TP63: variants seen among roughly 807,000 people sequenced by gnomAD.
The protein encoded by TP63 is tumor protein 63.
A neutral mutation model predicts 82.8 loss-of-function variants in TP63; 17 were observed. The observed-to-expected ratio is 0.21, with a 90% CI of 0.14 to 0.31. The LOEUF is 0.31. Among genes scored for constraint, TP63 ranks in the 10% least tolerant of loss-of-function variants. The pLI, the probability that TP63 is intolerant of heterozygous loss-of-function variation, is 1.00. For missense variants in TP63, 648 were observed against 895.3 expected (o/e 0.72, Z 3.52); for synonymous variants, 330 against 321.7 (o/e 1.03, Z -0.28).
chr3:189,869,279 T>C, intron 8 of TP63, 45 bp from the exon 9 acceptor site: 2 of 1,474,162 alleles, frequency 1.4e-6, no homozygotes, highest in South Asian at 1.1e-5. Context: ...GCATTAGTGC[T>C]TTAGAAGTGT....
intron 4 of TP63, chr3:189,829,773 CAACT>C (rs1712018371): frequency 5.5e-6 from 1 of 182,672 alleles, no homozygotes; most frequent in Non-Finnish European, 1.2e-5. Flanking sequence ...ACTTTTTCAC[CAACT>C]AACAAATTCA....
intron 1 of TP63, among the ~76,000 whole-genome samples, chr3:189,644,549 G>A (rs979172066): frequency 6.6e-6 from 1 of 152,060 alleles, no homozygotes; most frequent in African/African-American, 2.4e-5. Context: ...TGTTTCAATA[G>A]TTTTGGGGGA....
At chr3:189,711,312 C>T (rs1718576127) in intron 1 of TP63, among the ~76,000 whole-genome samples, 1 of 152,154 alleles carries the variant, frequency 6.6e-6, no homozygotes, top group East Asian at 1.9e-4. Context: ...TCAACAATTC[C>T]TCTTGAGGGT....
intron 1 of TP63, among the ~76,000 whole-genome samples, chr3:189,670,967 T>C (rs977031168): frequency 6.6e-6 from 1 of 152,014 alleles, no homozygotes; most frequent in Non-Finnish European, 1.5e-5. Flanking sequence ...AGGACATTGG[T>C]CTAGGCAAAG....
At chr3:189,818,016 T>G (rs1235652029) in intron 4 of TP63, among the ~76,000 whole-genome samples, 2 of 151,784 alleles carry the variant, frequency 1.3e-5, no homozygotes, top group Non-Finnish European at 2.9e-5. Context: ...ACAATGGAAT[T>G]AATTTACAGT....
At chr3:189,684,005 C>A (rs1281386699) in intron 1 of TP63, among the ~76,000 whole-genome samples, 1 of 152,150 alleles carries the variant, frequency 6.6e-6, no homozygotes, top group Non-Finnish European at 1.5e-5. Context: ...GCAGCTTCAG[C>A]AACTGCAGGA....
At chr3:189,818,579 A>G (rs1431993123) in intron 4 of TP63, among the ~76,000 whole-genome samples, 1 of 152,134 alleles carries the variant, frequency 6.6e-6, no homozygotes, top group Non-Finnish European at 1.5e-5. Flanking sequence ...AAATTTTCGT[A>G]GGAAAATTAG....
chr3:189,694,790 C>CTTTTTTTT (rs71175304), intron 1 of TP63, among the ~76,000 whole-genome samples: 447 of 32,758 alleles, frequency 0.014, 105 homozygotes, highest in Non-Finnish European at 0.017. Context: ...TATTTACAGC[C>CTTTTTTTT]TTTTTTTTTT....
intron 1 of TP63, among the ~76,000 whole-genome samples, chr3:189,729,748 A>G (rs1720025434): frequency 6.6e-6 from 1 of 152,168 alleles, no homozygotes. Context: ...TAAGGAAAAA[A>G]AAAGATGCTA....
chr3:189,770,560 G>A (rs565913402), intron 3 of TP63, among the ~76,000 whole-genome samples: 8 of 134,612 alleles, frequency 5.9e-5, no homozygotes, highest in East Asian at 2.1e-4. Flanking sequence ...GCAAGACTCC[G>A]TCTCAAAAAA....
chr3:189,800,499 AG>A (rs1726182358), intron 3 of TP63, among the ~76,000 whole-genome samples: 1 of 151,866 alleles, frequency 6.6e-6, no homozygotes. Context: ...AGAAAAAAAA[AG>A]CAAATAAAAG....
At position 189,892,126 on chromosome 3, in the gene TP63, G is replaced by A. The variant is rs146711148; in HGVS notation, c.1746+1244G>A. ...TTCTGATAACTTTACAGTCACTTCC[G>A]TCCACTGAAGAGAACAGAGTTGCCC... On this transcript the variant is annotated intron_variant, in intron 13 of 13. Coordinates refer to ENST00000264731, the MANE Select transcript of TP63 (RefSeq NM_003722.5). Among the ~76,000 whole-genome samples the A allele has an allele frequency of 4.1e-4, 62 of 152,214 alleles. No individual in the cohort carries two copies. In the East Asian group the frequency reaches 0.011, roughly 26 times the overall value.
At position 189,874,597 on chromosome 3, in the gene TP63, T is replaced by C. The variant is rs185122108; in HGVS notation, c.1349+1602T>C. 1.3e-3 allele frequency among the ~76,000 whole-genome samples: 197 copies of C among 152,310 alleles called. 1 individual carries two copies. Among genetic ancestry groups the C allele is most frequent in the Admixed American group, 4.5e-3 (69 of 15,298 alleles). On this transcript the variant is annotated intron_variant, in intron 10 of 13. Transcript: ENST00000264731. The stretch of plus-strand genomic sequence containing the variant: ...GCAAATTTTAATGGTATGGTTTTAT[T>C]TGTAAGCCTGAGCAGAAAGTTTAAT...
intron 10 of TP63, chr3:189,880,517 C>G (rs1018939730): frequency 3.0e-6 from 3 of 999,322 alleles, no homozygotes; most frequent in South Asian, 4.7e-5. Context: ...TTATTGGAAC[C>G]CTTTTCTGTC....
intron 1 of TP63, among the ~76,000 whole-genome samples, chr3:189,638,732 C>T (rs899730032): frequency 6.6e-6 from 1 of 152,090 alleles, no homozygotes; most frequent in South Asian, 2.1e-4. Context: ...TAATTCTAGA[C>T]TTTTTGGTGT....
chr3:189,790,467 T>C (rs985000277), intron 3 of TP63, among the ~76,000 whole-genome samples: 8 of 152,096 alleles, frequency 5.3e-5, no homozygotes, highest in African/African-American at 1.7e-4. Context: ...TATTTATACA[T>C]GCATACATGT....
At chr3:189,774,168 C>T (rs557857226) in intron 3 of TP63, among the ~76,000 whole-genome samples, 288 of 152,132 alleles carry the variant, frequency 1.9e-3, no homozygotes, top group Non-Finnish European at 1.9e-3. Flanking sequence ...GTGATCCGCC[C>T]GCCTCGGCCT....
the TP63 span, among the ~76,000 whole-genome samples, chr3:189,599,213 A>C: frequency 6.6e-6 from 1 of 151,474 alleles, no homozygotes; most frequent in African/African-American, 2.4e-5. Context: ...CTGTTTTCCT[A>C]CTCTTTGTTC....
intron 3 of TP63, among the ~76,000 whole-genome samples, chr3:189,759,710 G>A (rs1244026239): frequency 6.6e-6 from 1 of 152,166 alleles, no homozygotes; most frequent in African/African-American, 2.4e-5. Context: ...GTTGAGATAA[G>A]GAGTTGTGGA....
Sources: allele counts gnomAD v4.1 joint callset (sites outside exome capture counted in the v4.1 genomes callset), GRCh38; gene constraint gnomAD v4.1.1; transcripts MANE v1.5; gene names NCBI Gene and HGNC (gene_info 2026-07-23, HGNC 2026-07-21).